Variants in PCED1B observed in about 807,000 individuals in gnomAD.
PCED1B encodes PC-esterase domain-containing protein 1B.
For missense variants in PCED1B, 573 were observed against 573.9 expected, an observed-to-expected ratio of 1.00 and a Z score of 0.02; for synonymous variants, 251 against 246.1, an observed-to-expected ratio of 1.02 and a Z score of -0.19.
chr12:47,186,640 T>C (rs1380948405), intron 2 of PCED1B, among the ~76,000 whole-genome samples: 2 of 152,152 alleles, frequency 1.3e-5, no homozygotes, highest in Admixed American at 1.3e-4. Context: ...CCAAACCCCT[T>C]CATTGGCAAG....
At position 47,216,589 on chromosome 12, in the gene PCED1B, G is replaced by A. The variant is rs781190313; in HGVS notation, c.-158G>A. On this transcript the variant is annotated 5_prime_UTR_variant, in exon 3 of 4. Coordinates refer to ENST00000546455, the MANE Select transcript of PCED1B (RefSeq NM_138371.3). Reference sequence around the variant, plus strand: ...TATAGCCCAAGCTCTGAGATCTCCCGTCTGGTCACAATGATCTACAGGAGA... The same window carrying A: ...TATAGCCCAAGCTCTGAGATCTCCCATCTGGTCACAATGATCTACAGGAGA... 16 of 152,308 alleles carry A rather than the reference G, an allele frequency of 1.1e-4. No homozygotes were observed. The highest frequency in any genetic ancestry group is 1.3e-4 in the Admixed American group (2 of 15,292). 9.4% of individuals were successfully genotyped at this position (152,308 alleles called of 1,614,324 possible). A position where few individuals can be genotyped will look rare whatever the true frequency, so the allele number is the denominator to read the frequency against.
intron 2 of PCED1B, among the ~76,000 whole-genome samples, chr12:47,182,540 G>A (rs1416444577): frequency 2.0e-5 from 3 of 151,078 alleles, no homozygotes; most frequent in South Asian, 2.1e-4. Context: ...GCAGTGAGCC[G>A]AGATCACGCC....
chr12:47,234,969 G>A, intron 3 of PCED1B, 38 bp from the exon 4 acceptor site: 1 of 1,232,218 alleles, frequency 8.1e-7, no homozygotes, highest in Admixed American at 2.5e-5. Flanking sequence ...TCCGCCCAGA[G>A]GTGAGTCCCT....
At chr12:47,229,405 A>G (rs2137884574) in intron 3 of PCED1B, among the ~76,000 whole-genome samples, 1 of 150,628 alleles carries the variant, frequency 6.6e-6, no homozygotes, top group East Asian at 1.9e-4. Context: ...CAAGAGCAAA[A>G]CTGCTTCTCA....
chr12:47,127,915 A>T (rs1011118921), intron 2 of PCED1B, among the ~76,000 whole-genome samples: 2 of 152,148 alleles, frequency 1.3e-5, no homozygotes, highest in Non-Finnish European at 2.9e-5. Context: ...TCCTGTCTAT[A>T]TGTTTCAACT....
chr12:47,181,792 A>G (rs1942104578), intron 2 of PCED1B, among the ~76,000 whole-genome samples: 1 of 152,144 alleles, frequency 6.6e-6, no homozygotes, highest in Non-Finnish European at 1.5e-5. Flanking sequence ...AAAACAATTC[A>G]ACTTTTTGTC....
intron 2 of PCED1B, among the ~76,000 whole-genome samples, chr12:47,173,964 G>A (rs750900879): frequency 1.3e-5 from 2 of 152,154 alleles, no homozygotes; most frequent in Non-Finnish European, 2.9e-5. Flanking sequence ...CTAGCATGGT[G>A]GCCAGCAAAC....
At chr12:47,148,044 G>C (rs1215233283) in intron 2 of PCED1B, among the ~76,000 whole-genome samples, 1 of 152,204 alleles carries the variant, frequency 6.6e-6, no homozygotes, top group Non-Finnish European at 1.5e-5. Context: ...TGGAGAGTTT[G>C]ATGTTAAGGT....
chr12:47,201,112 A>G (rs927207142), intron 2 of PCED1B, among the ~76,000 whole-genome samples: 2 of 151,690 alleles, frequency 1.3e-5, no homozygotes, highest in Non-Finnish European at 2.9e-5. Flanking sequence ...AAGGGGCTAG[A>G]TTTTCTTTTA....
intron 1 of PCED1B, among the ~76,000 whole-genome samples, chr12:47,088,805 A>G (rs1047680543): frequency 2.0e-5 from 3 of 152,202 alleles, no homozygotes; most frequent in Non-Finnish European, 4.4e-5. Flanking sequence ...GATAGAAAAC[A>G]TGCTTAACAT....
At chr12:47,083,359 T>C (rs748189793) in intron 1 of PCED1B, among the ~76,000 whole-genome samples, 2 of 152,142 alleles carry the variant, frequency 1.3e-5, no homozygotes, top group Non-Finnish European at 2.9e-5. Context: ...TGAGGCACAC[T>C]GGGTGTTCTT....
Position 47,236,653 on chromosome 12 carries a change from G to A in PCED1B, c.*291G>A, listed in dbSNP as rs182689129. The A allele has an allele frequency of 9.9e-5, 32 of 323,586 alleles. No individual in the cohort carries two copies. The Admixed American group carries it at 1.2e-3, about 12-fold the overall frequency. The allele number at this position is 323,586 out of a possible 1,614,324, so 20.0% of individuals were successfully genotyped here. A position where few individuals can be genotyped will look rare whatever the true frequency, so the allele number is the denominator to read the frequency against. On this transcript the variant is annotated 3_prime_UTR_variant, in exon 4 of 4. Transcript: ENST00000546455. ...AAAATAAAATGGAAATAAACAAGTT[G>A]CACAGAAGTAGTTGTGGGTTTTGCA...
intron 3 of PCED1B, among the ~76,000 whole-genome samples, chr12:47,217,403 G>C (rs1230937154): frequency 1.5e-5 from 2 of 135,548 alleles, no homozygotes; most frequent in Non-Finnish European, 3.1e-5. Flanking sequence ...GAAAGAAACA[G>C]AGAGAGAGAG....
At chr12:47,185,652 G>T (rs1352766289) in intron 2 of PCED1B, among the ~76,000 whole-genome samples, 1 of 151,890 alleles carries the variant, frequency 6.6e-6, no homozygotes, top group East Asian at 1.9e-4. Flanking sequence ...AGCTGGGCTT[G>T]GTGGCAGGCA....
intron 1 of PCED1B, among the ~76,000 whole-genome samples, chr12:47,096,196 C>G (rs1215106135): frequency 6.6e-6 from 1 of 151,980 alleles, no homozygotes; most frequent in Non-Finnish European, 1.5e-5. Flanking sequence ...GTATCATATC[C>G]CATAGTTAAT....
At chr12:47,145,417 G>A (rs1940748283) in intron 2 of PCED1B, among the ~76,000 whole-genome samples, 1 of 152,212 alleles carries the variant, frequency 6.6e-6, no homozygotes, top group African/African-American at 2.4e-5. Flanking sequence ...GATGAAGGCA[G>A]CTACACTAAA....
chr12:47,099,286 C>T (rs572306852), intron 1 of PCED1B, among the ~76,000 whole-genome samples: 3 of 152,294 alleles, frequency 2.0e-5, no homozygotes, highest in South Asian at 2.1e-4. Flanking sequence ...GGAGGAGCAC[C>T]GGAACACCGG....
At chr12:47,170,669 CTT>C (rs1179993443) in intron 2 of PCED1B, among the ~76,000 whole-genome samples, 5 of 152,170 alleles carry the variant, frequency 3.3e-5, no homozygotes, top group Non-Finnish European at 7.3e-5. Flanking sequence ...AAAAAACTCA[CTT>C]TGTTTTAAGC....
chr12:47,230,644 T>G (rs214694), intron 3 of PCED1B, among the ~76,000 whole-genome samples: 103,970 of 151,858 alleles, frequency 0.68, 35,750 homozygotes, highest in African/African-American at 0.74. Context: ...ATTTCACCAT[T>G]TTGGCCAGGC....
Sources: allele counts gnomAD v4.1 joint callset (sites outside exome capture counted in the v4.1 genomes callset), GRCh38; gene constraint gnomAD v4.1.1; transcripts MANE v1.5; gene names NCBI Gene and HGNC (gene_info 2026-07-23, HGNC 2026-07-21).